RIMS1: variants seen among roughly 807,000 people sequenced by gnomAD.
RIMS1 encodes the protein regulating synaptic membrane exocytosis 1.
In RIMS1, 83 loss-of-function variants were observed where a neutral mutation model predicts 214.1. The observed-to-expected ratio is 0.39, with a 90% CI of 0.32 to 0.47. The LOEUF (loss-of-function observed/expected upper bound fraction) is 0.47, where lower values mean the gene tolerates loss of function less well. RIMS1 is among the 20% of genes least tolerant of loss of function. The pLI, the probability that RIMS1 is intolerant of heterozygous loss-of-function variation, is 0.99. For missense variants in RIMS1, 2,050 were observed against 2,161.8 expected (o/e 0.95, Z 1.03); for synonymous variants, 793 against 786.8 (o/e 1.01, Z -0.13).
In RIMS1 at chr6:72,097,150, A is replaced by G. The variant is rs1468734756; in HGVS notation, c.447A>G (p.Leu149=). 16 of 1,613,636 alleles carry G rather than the reference A, an allele frequency of 9.9e-6. No individual in the cohort carries two copies. The highest frequency in any genetic ancestry group is 1.4e-5 in the Non-Finnish European group (16 of 1,179,820). The change falls in exon 3 of 34, where the codon CTA becomes CTG. Residue 149 remains leucine (L), a synonymous_variant. Coordinates refer to ENST00000521978, the MANE Select transcript of RIMS1 (RefSeq NM_014989.7). The part of the protein sequence containing the change: ...FCARCGGRVS[L]RSNNEDKVVM... Reference sequence around the variant, plus strand: ...CGCGCTGCGGAGGCCGCGTGTCTCTACGGTCAAACAACGTGAGTATTCCAT... The same window carrying G: ...CGCGCTGCGGAGGCCGCGTGTCTCTGCGGTCAAACAACGTGAGTATTCCAT...
intron 7 of RIMS1, among the ~76,000 whole-genome samples, chr6:72,234,818 C>G (rs553992759): frequency 6.6e-6 from 1 of 152,056 alleles, no homozygotes. Flanking sequence ...TAGAATCATA[C>G]AGTTTATAGC....
At chr6:72,029,221 T>G (rs1160576140) in intron 2 of RIMS1, among the ~76,000 whole-genome samples, 1 of 152,162 alleles carries the variant, frequency 6.6e-6, no homozygotes, top group East Asian at 1.9e-4. Flanking sequence ...TTTGGTCAAA[T>G]GCAGCAAATA....
intron 2 of RIMS1, among the ~76,000 whole-genome samples, chr6:72,010,832 T>G (rs905703498): frequency 2.0e-5 from 3 of 152,052 alleles, no homozygotes; most frequent in Non-Finnish European, 4.4e-5. Flanking sequence ...TAAAAGAGGA[T>G]ACAAACAAAT....
intron 22 of RIMS1, among the ~76,000 whole-genome samples, chr6:72,269,111 A>G (rs1047363107): frequency 4.6e-5 from 7 of 152,166 alleles, no homozygotes; most frequent in Admixed American, 2.6e-4. Context: ...GGCTTATGAA[A>G]GGGTAGTTTA....
chr6:72,129,595 G>A (rs1012164307), intron 4 of RIMS1, among the ~76,000 whole-genome samples: 4 of 152,090 alleles, frequency 2.6e-5, no homozygotes, highest in African/African-American at 9.7e-5. Flanking sequence ...TCTAGTTTAT[G>A]TTTTCTTGCA....
intron 23 of RIMS1, among the ~76,000 whole-genome samples, chr6:72,275,815 TACCCCTACTATGC>T (rs2086087130): frequency 1.3e-5 from 2 of 152,214 alleles, no homozygotes; most frequent in South Asian, 2.1e-4. Context: ...AAACTTATTG[TACCCCTACTATGC>T]ACCCTATCCA....
chr6:71,930,629 T>G (rs1205622848), intron 1 of RIMS1, among the ~76,000 whole-genome samples: 3 of 152,124 alleles, frequency 2.0e-5, no homozygotes, highest in Non-Finnish European at 4.4e-5. Flanking sequence ...AATATTTTAC[T>G]GGTTTTTGAG....
rs371956061 is a variant in RIMS1 at position 71,909,211 on chromosome 6, G to T, written c.164+22024G>T. Among the ~76,000 whole-genome samples the T allele has an allele frequency of 2.9e-3, 441 of 152,232 alleles. 5 individuals carry two copies. The South Asian group carries it at 0.038, about 13-fold the overall frequency. ...GGGGTTTCACCAGGTTGGCCAGGCT[G>T]GTCTCAAACTCTTGACCTCAAGTAA... is the stretch of plus-strand genomic sequence containing the variant. On this transcript the variant is annotated intron_variant, in intron 1 of 33. Transcript: ENST00000521978.
intron 1 of RIMS1, among the ~76,000 whole-genome samples, chr6:71,893,778 AT>A (rs1770721845): frequency 6.6e-6 from 1 of 152,118 alleles, no homozygotes; most frequent in Non-Finnish European, 1.5e-5. Context: ...TTGATTTTAG[AT>A]GTTTCTGCTT....
chr6:72,279,688 C>G (rs2089019807), intron 23 of RIMS1, among the ~76,000 whole-genome samples: 1 of 151,978 alleles, frequency 6.6e-6, no homozygotes, highest in Admixed American at 6.6e-5. Context: ...AAATAAACAT[C>G]TAATCATTCA....
At chr6:71,985,937 C>T (rs527285003) in intron 2 of RIMS1, among the ~76,000 whole-genome samples, 1 of 152,180 alleles carries the variant, frequency 6.6e-6, no homozygotes, top group African/African-American at 2.4e-5. Flanking sequence ...AGTCTCTCTA[C>T]TTTGTAGTAG....
intron 2 of RIMS1, among the ~76,000 whole-genome samples, chr6:72,010,546 G>C (rs1215576560): frequency 6.6e-6 from 1 of 152,190 alleles, no homozygotes; most frequent in African/African-American, 2.4e-5. Context: ...AATTGTCCCT[G>C]TTTGCAGATG....
intron 9 of RIMS1, among the ~76,000 whole-genome samples, chr6:72,241,679 G>C (rs1477781457): frequency 1.3e-5 from 2 of 152,088 alleles, no homozygotes; most frequent in African/African-American, 4.8e-5. Flanking sequence ...TGAACATCTG[G>C]AAGTGGGTTG....
At chr6:72,083,851 G>C (rs1345739532) in intron 2 of RIMS1, among the ~76,000 whole-genome samples, 1 of 152,150 alleles carries the variant, frequency 6.6e-6, no homozygotes, top group Non-Finnish European at 1.5e-5. Flanking sequence ...TGGTCATGAA[G>C]CTGAGAAATA....
intron 29 of RIMS1, among the ~76,000 whole-genome samples, chr6:72,361,294 C>T (rs2097814833): frequency 2.0e-5 from 3 of 150,900 alleles, no homozygotes; most frequent in African/African-American, 7.3e-5. Flanking sequence ...TTAGTAGAGA[C>T]GGGGTTTCAC....
At chr6:72,400,434 G>A in intron 33 of RIMS1, 62 bp from the exon 34 acceptor site, 1 of 1,414,902 alleles carries the variant, frequency 7.1e-7, no homozygotes, top group Non-Finnish European at 1.0e-6. Context: ...TAGTTGCTTT[G>A]AGCCCTTCGA....
chr6:72,352,554 A>C (rs2154371716), intron 29 of RIMS1, among the ~76,000 whole-genome samples: 1 of 152,318 alleles, frequency 6.6e-6, no homozygotes, highest in Non-Finnish European at 1.5e-5. Context: ...ATAAAGGCTC[A>C]CATTTAGTAA....
At chr6:72,019,503 A>G (rs1278522080) in intron 2 of RIMS1, among the ~76,000 whole-genome samples, 3 of 152,232 alleles carry the variant, frequency 2.0e-5, no homozygotes, top group Non-Finnish European at 4.4e-5. Flanking sequence ...AGCGATCACT[A>G]TAGTAAAACC....
intron 2 of RIMS1, among the ~76,000 whole-genome samples, chr6:72,075,726 ACAAAAGTT>A (rs1326504337): frequency 6.6e-6 from 1 of 152,238 alleles, no homozygotes; most frequent in Non-Finnish European, 1.5e-5. Flanking sequence ...TCTAAATAAC[ACAAAAGTT>A]CAAAAATTCT....
Sources: gnomAD v4.1 joint callset for allele counts (sites outside exome capture counted in the v4.1 genomes callset) on GRCh38, gnomAD v4.1.1 for gene constraint, MANE v1.5 for transcripts, NCBI Gene and HGNC (gene_info 2026-07-23, HGNC 2026-07-21) for gene names.